The following DCC variants were observed in gnomAD, a reference collection of about 807,000 sequenced individuals.
DCC encodes DCC netrin 1 receptor.
A neutral mutation model predicts 172.5 loss-of-function variants in DCC; 58 were observed. The observed-to-expected ratio is 0.34, with a 90% CI of 0.27 to 0.42. The LOEUF is 0.42. Ranked by LOEUF, DCC falls within the 10% of genes least tolerant of loss-of-function variation. DCC has a pLI of 1.00. For synonymous variants in DCC, 709 were observed against 644.5 expected, an observed-to-expected ratio of 1.10 and a Z score of -1.52; for missense variants, 1,740 against 1,791.0, an observed-to-expected ratio of 0.97 and a Z score of 0.51.
chr18:53,340,330 T>A (rs956647902), intron 15 of DCC, among the ~76,000 whole-genome samples: 2 of 152,206 alleles, frequency 1.3e-5, no homozygotes, highest in Non-Finnish European at 2.9e-5. Flanking sequence ...TCTGTTAATT[T>A]TTCTTTAACC....
At chr18:52,760,071 A>G (rs1398037000) in intron 2 of DCC, among the ~76,000 whole-genome samples, 1 of 152,206 alleles carries the variant, frequency 6.6e-6, no homozygotes, top group Non-Finnish European at 1.5e-5. Context: ...TCACACTGCT[A>G]TAAAGAACTG....
intron 24 of DCC, among the ~76,000 whole-genome samples, chr18:53,462,511 C>T (rs1477182904): frequency 1.3e-5 from 2 of 151,828 alleles, no homozygotes; most frequent in Admixed American, 1.3e-4. Context: ...AAAACAAGCT[C>T]AGGGCTCCCA....
At chr18:52,786,765 A>G (rs1568102889) in intron 2 of DCC, among the ~76,000 whole-genome samples, 3 of 152,094 alleles carry the variant, frequency 2.0e-5, no homozygotes, top group Non-Finnish European at 4.4e-5. Context: ...ACCACAGGTT[A>G]GGAACCCTGT....
At chr18:53,129,266 T>A (rs527848949) in intron 7 of DCC, among the ~76,000 whole-genome samples, 1 of 152,220 alleles carries the variant, frequency 6.6e-6, no homozygotes, top group South Asian at 2.1e-4. Context: ...AAGGTGAATA[T>A]TTTAAGTTTT....
chr18:52,542,518 T>C (rs996680530), intron 1 of DCC, among the ~76,000 whole-genome samples: 6 of 152,098 alleles, frequency 3.9e-5, no homozygotes, highest in Non-Finnish European at 7.4e-5. Flanking sequence ...GGTAGTTCTT[T>C]GGAATTCTAG....
At chr18:53,373,375 C>T (rs189180913) in intron 15 of DCC, among the ~76,000 whole-genome samples, 114 of 151,940 alleles carry the variant, frequency 7.5e-4, no homozygotes, top group African/African-American at 2.5e-3. Flanking sequence ...CTGTTTTTAT[C>T]CCCTCTCTCT....
intron 2 of DCC, among the ~76,000 whole-genome samples, chr18:52,823,690 C>A (rs2038452910): frequency 6.6e-6 from 1 of 152,134 alleles, no homozygotes; most frequent in Admixed American, 6.5e-5. Flanking sequence ...AGATCAGAAT[C>A]ATAGCTCTGA....
intron 1 of DCC, among the ~76,000 whole-genome samples, chr18:52,347,796 A>G (rs1157376945): frequency 6.6e-6 from 1 of 152,188 alleles, no homozygotes; most frequent in Admixed American, 6.5e-5. Context: ...TTTCCTTATT[A>G]AATGAGAATG....
chr18:52,771,886 AG>A (rs1336798229), intron 2 of DCC, among the ~76,000 whole-genome samples: 7 of 149,770 alleles, frequency 4.7e-5, no homozygotes, highest in Non-Finnish European at 8.9e-5. Context: ...AAAAAAAAAA[AG>A]AAAAAGAAAG....
intron 3 of DCC, among the ~76,000 whole-genome samples, chr18:52,921,362 C>T (rs1394021380): frequency 7.0e-6 from 1 of 142,492 alleles, no homozygotes; most frequent in African/African-American, 2.6e-5. Flanking sequence ...ATTAAATAAC[C>T]ATTTTGTGTT....
intron 5 of DCC, among the ~76,000 whole-genome samples, chr18:52,937,924 G>A (rs1318181872): frequency 1.3e-5 from 2 of 152,062 alleles, no homozygotes; most frequent in Admixed American, 6.6e-5. Context: ...TCTAAACTTT[G>A]TACAGTGAGC....
intron 1 of DCC, among the ~76,000 whole-genome samples, chr18:52,558,641 G>A (rs1011710645): frequency 2.6e-5 from 4 of 152,152 alleles, no homozygotes; most frequent in Non-Finnish European, 5.9e-5. Flanking sequence ...CCCATGTAGT[G>A]GGGTCTCCTA....
intron 1 of DCC, among the ~76,000 whole-genome samples, chr18:52,371,262 G>A (rs1311591001): frequency 1.3e-5 from 2 of 152,142 alleles, no homozygotes; most frequent in Non-Finnish European, 2.9e-5. Flanking sequence ...CACAAAATTT[G>A]TCTATGTTTG....
At chr18:52,863,513 G>A (rs536330236) in intron 2 of DCC, among the ~76,000 whole-genome samples, 144 of 151,744 alleles carry the variant, frequency 9.5e-4, no homozygotes, top group Non-Finnish European at 1.7e-3. Context: ...AAAAGCATAT[G>A]AGCTTAAACT....
chr18:52,951,554 T>C (rs904517283), intron 5 of DCC, among the ~76,000 whole-genome samples: 1 of 152,188 alleles, frequency 6.6e-6, no homozygotes, highest in Non-Finnish European at 1.5e-5. Flanking sequence ...TGTTCCTGTG[T>C]TAGTTTGCTG....
intron 2 of DCC, among the ~76,000 whole-genome samples, chr18:52,784,947 GAGAC>G (rs1406945696): frequency 3.4e-5 from 5 of 148,632 alleles, no homozygotes; most frequent in African/African-American, 1.3e-4. Context: ...GAGAGAGAGA[GAGAC>G]AGAGAGAGAG....
chr18:53,290,126 A>C (rs1291267347), intron 12 of DCC, among the ~76,000 whole-genome samples: 1 of 152,166 alleles, frequency 6.6e-6, no homozygotes, highest in Non-Finnish European at 1.5e-5. Flanking sequence ...TATGGTTTGG[A>C]TGTAAAGTGT....
At chr18:52,905,628 G>C (rs1007331896) in intron 2 of DCC, among the ~76,000 whole-genome samples, 1 of 152,178 alleles carries the variant, frequency 6.6e-6, no homozygotes, top group Non-Finnish European at 1.5e-5. Flanking sequence ...TGTCCAAAGT[G>C]GGGTAACAGG....
At chr18:53,241,491 A>T (rs1033663701) in intron 12 of DCC, among the ~76,000 whole-genome samples, 1 of 152,118 alleles carries the variant, frequency 6.6e-6, no homozygotes, top group Admixed American at 6.6e-5. Context: ...AGCTTCCCGC[A>T]GTTTCATGGT....
Sources: gnomAD v4.1 joint callset for allele counts (sites outside exome capture counted in the v4.1 genomes callset) on GRCh38, gnomAD v4.1.1 for gene constraint, MANE v1.5 for transcripts, NCBI Gene and HGNC (gene_info 2026-07-23, HGNC 2026-07-21) for gene names.